APBA2: variants seen among roughly 807,000 people sequenced by gnomAD.
APBA2 encodes amyloid-beta A4 precursor protein-binding family A member 2.
A neutral mutation model predicts 75.0 loss-of-function variants in APBA2; 30 were observed. The ratio of observed to expected loss-of-function variants is 0.40; its 90% confidence interval spans 0.30 to 0.54. The LOEUF (loss-of-function observed/expected upper bound fraction) is 0.54. Ranked by LOEUF, APBA2 falls within the 20% of genes least tolerant of loss-of-function variation. The pLI, the probability that APBA2 is intolerant of heterozygous loss-of-function variation, is 0.49. For synonymous variants in APBA2, 444 were observed against 409.6 expected (o/e 1.08, Z -1.01); for missense variants, 801 against 1,016.1 (o/e 0.79, Z 2.88).
intron 2 of APBA2, among the ~76,000 whole-genome samples, chr15:28,927,792 C>G (rs151255480): frequency 3.6e-4 from 55 of 151,978 alleles, no homozygotes; most frequent in African/African-American, 1.3e-3. Flanking sequence ...TGTCTTCAGG[C>G]TGATTATTTT....
chr15:29,047,299 G>A (rs567637564), intron 3 of APBA2, among the ~76,000 whole-genome samples: 1 of 152,252 alleles, frequency 6.6e-6, no homozygotes, highest in African/African-American at 2.4e-5. Flanking sequence ...AAAGAGAGCT[G>A]GATCAGAATG....
intron 2 of APBA2, among the ~76,000 whole-genome samples, chr15:28,926,564 A>T (rs1488865114): frequency 6.6e-6 from 1 of 152,170 alleles, no homozygotes; most frequent in Non-Finnish European, 1.5e-5. Flanking sequence ...TATATCAAAT[A>T]AGAGTAAGGA....
At chr15:28,957,213 C>T (rs1396987274) in intron 2 of APBA2, among the ~76,000 whole-genome samples, 1 of 151,500 alleles carries the variant, frequency 6.6e-6, no homozygotes, top group Admixed American at 6.6e-5. Context: ...GCTGGGACTA[C>T]AGGCGCCCGC....
In APBA2 at chr15:29,059,055, A is replaced by T. The variant is rs533773694; in HGVS notation, c.951+4220A>T. Among the ~76,000 whole-genome samples the T allele has an allele frequency of 6.6e-5, 10 of 152,356 alleles. No individual in the cohort carries two copies. In the East Asian group the frequency reaches 9.6e-4, roughly 15 times the overall value. Reference sequence around the variant, plus strand: ...AAATCAATACTCGTAGCACTTTCCCAGTCATTTGTGGAGGTACAGAGAGGG... The same window carrying T: ...AAATCAATACTCGTAGCACTTTCCCTGTCATTTGTGGAGGTACAGAGAGGG... On this transcript the variant is annotated intron_variant, in intron 4 of 14. Coordinates refer to ENST00000683413, the MANE Select transcript of APBA2 (RefSeq NM_001353788.2).
At chr15:28,932,794 C>A (rs958563222) in intron 2 of APBA2, among the ~76,000 whole-genome samples, 7 of 152,094 alleles carry the variant, frequency 4.6e-5, no homozygotes, top group Admixed American at 1.3e-4. Flanking sequence ...AATTCTTATC[C>A]CCAAAGTGAT....
At chr15:28,910,721 A>G (rs1162455888) in intron 1 of APBA2, among the ~76,000 whole-genome samples, 1 of 152,136 alleles carries the variant, frequency 6.6e-6, no homozygotes, top group Non-Finnish European at 1.5e-5. Flanking sequence ...GCTTAACATC[A>G]TCTTTGGAAA....
chr15:29,035,821 C>T (rs532486260), intron 3 of APBA2, among the ~76,000 whole-genome samples: 8 of 152,256 alleles, frequency 5.3e-5, no homozygotes, highest in African/African-American at 1.9e-4. Context: ...CCAGAAGCCC[C>T]GCAGGTGGCT....
intron 4 of APBA2, among the ~76,000 whole-genome samples, chr15:29,064,740 A>C (rs979445873): frequency 3.3e-5 from 5 of 152,136 alleles, no homozygotes; most frequent in Non-Finnish European, 5.9e-5. Context: ...AGAGGGTTCC[A>C]CTGGGGGCAT....
intron 1 of APBA2, among the ~76,000 whole-genome samples, chr15:28,911,107 A>G (rs1004728821): frequency 6.6e-6 from 1 of 152,176 alleles, no homozygotes; most frequent in Non-Finnish European, 1.5e-5. Flanking sequence ...ATGTGATTTT[A>G]ATTTTGACTA....
chr15:28,906,993 T>C (rs1243286626), intron 1 of APBA2, among the ~76,000 whole-genome samples: 2 of 152,214 alleles, frequency 1.3e-5, no homozygotes, highest in Non-Finnish European at 2.9e-5. Flanking sequence ...TTGGAAGTTT[T>C]ACATTGTTAA....
In APBA2 at chr15:29,103,021, C is replaced by G. The variant is rs190186564; in HGVS notation, c.1524+1237C>G. ...AGGGAGAGAGCATTTCAACAGCGCA[C>G]TCACACATTCCTTCCACCGCTACAC... On this transcript the variant is annotated intron_variant, in intron 10 of 14. Transcript: ENST00000683413. 2.3e-4 allele frequency among the ~76,000 whole-genome samples: 35 copies of G among 152,358 alleles called. 1 individual carries two copies. The East Asian group carries it at 6.6e-3, about 29-fold the overall frequency.
intron 3 of APBA2, among the ~76,000 whole-genome samples, chr15:29,004,652 C>T (rs947952267): frequency 2.6e-5 from 4 of 151,944 alleles, no homozygotes; most frequent in East Asian, 1.9e-4. Flanking sequence ...CTCCAGTGTG[C>T]GCCGGAATCT....
intron 6 of APBA2, among the ~76,000 whole-genome samples, chr15:29,076,748 A>G (rs184674269): frequency 6.6e-6 from 1 of 152,316 alleles, no homozygotes; most frequent in African/African-American, 2.4e-5. Flanking sequence ...CTAATGTGTT[A>G]TAATAAACAA....
chr15:28,908,867 A>G (rs909121980), intron 1 of APBA2, among the ~76,000 whole-genome samples: 3 of 152,172 alleles, frequency 2.0e-5, no homozygotes, highest in Admixed American at 6.6e-5. Context: ...GTGTTGTGCA[A>G]CCATCACCGT....
chr15:29,054,931 G>C lies in APBA2; in HGVS notation c.951+96G>C, dbSNP rs2041813209. On this transcript the variant is annotated intron_variant, in intron 4 of 14. Coordinates refer to ENST00000683413, the MANE Select transcript of APBA2 (RefSeq NM_001353788.2). This position sits in a 1 kb window ranked among gnomAD's most constrained non-coding sequence, Gnocchi z 6.1. ...TGCAGATGCTGAAGCGAGGCGGTGG[G>C]GGGTGCTGGGTGCCTCACAGTTCTA... is the stretch of plus-strand genomic sequence containing the variant. 6 of 1,238,732 alleles carry C rather than the reference G, an allele frequency of 4.8e-6. No homozygotes were observed. The highest frequency in any genetic ancestry group is 2.5e-5 in the East Asian group (1 of 39,552). The allele number at this position is 1,238,732 out of a possible 1,614,324, so 76.7% of individuals were successfully genotyped here. A position where few individuals can be genotyped will look rare whatever the true frequency, so the allele number is the denominator to read the frequency against.
intron 2 of APBA2, among the ~76,000 whole-genome samples, chr15:28,994,843 C>T (rs1015455306): frequency 2.6e-5 from 4 of 152,184 alleles, no homozygotes; most frequent in African/African-American, 9.6e-5. Flanking sequence ...GACCCCAGGA[C>T]CAGATTGCAG....
chr15:28,901,058 C>T (rs149332884), intron 1 of APBA2, among the ~76,000 whole-genome samples: 1 of 152,232 alleles, frequency 6.6e-6, no homozygotes, highest in African/African-American at 2.4e-5. Flanking sequence ...GACTAGAGTA[C>T]CAAGCCCAGC....
intron 1 of APBA2, among the ~76,000 whole-genome samples, chr15:28,890,332 G>A (rs1446638587): frequency 6.6e-6 from 1 of 152,212 alleles, no homozygotes; most frequent in African/African-American, 2.4e-5. Context: ...TGGGTTCTCT[G>A]CACCCAGGCG....
At position 28,911,119 on chromosome 15, in the gene APBA2, T is replaced by C. The variant is rs557809775; in HGVS notation, c.-204-10521T>C. ...AAGATGTGATTTTAATTTTGACTAT[T>C]TTGACTTCCTGTAAGTACCTTCTGG... On this transcript the variant is annotated intron_variant, in intron 1 of 14. Coordinates refer to ENST00000683413, the MANE Select transcript of APBA2 (RefSeq NM_001353788.2). Among the ~76,000 whole-genome samples, 21 of 152,306 alleles carry C rather than the reference T, an allele frequency of 1.4e-4. No individual in the cohort carries two copies. In the South Asian group the frequency reaches 4.4e-3, roughly 32 times the overall value.
Sources: allele counts gnomAD v4.1 joint callset (sites outside exome capture counted in the v4.1 genomes callset), GRCh38; gene constraint gnomAD v4.1.1; non-coding constraint Gnocchi (gnomAD v3.1); transcripts MANE v1.5; gene names NCBI Gene and HGNC (gene_info 2026-07-23, HGNC 2026-07-21).